EYS: variants seen among roughly 807,000 people sequenced by gnomAD.
EYS encodes the protein EGF-like photoreceptor maintenance factor.
A neutral mutation model predicts 282.1 loss-of-function variants in EYS; 250 were observed. The ratio of observed to expected loss-of-function variants is 0.89; its 90% CI spans 0.80 to 0.98. EYS has a LOEUF of 0.98. Among genes scored for constraint, EYS ranks in the 50% least tolerant of loss-of-function variants. EYS has a pLI of 0.00. For synonymous variants in EYS, 1,355 were observed against 1,282.9 expected, an observed-to-expected ratio of 1.06 and a Z score of -1.20; for missense variants, 4,016 against 3,709.0, an observed-to-expected ratio of 1.08 and a Z score of -2.15.
At chr6:64,352,466 A>C (rs1221779975) in intron 29 of EYS, among the ~76,000 whole-genome samples, 1 of 151,496 alleles carries the variant, frequency 6.6e-6, no homozygotes, top group Admixed American at 6.6e-5. Context: ...TGCTTTATTC[A>C]CTATCTCTAT....
At chr6:64,809,115 A>G (rs569496931) in intron 22 of EYS, among the ~76,000 whole-genome samples, 1 of 152,208 alleles carries the variant, frequency 6.6e-6, no homozygotes, top group South Asian at 2.1e-4. Context: ...TCAATAAACA[A>G]GAGTCTGGCA....
At chr6:64,752,176 G>C (rs1339563600) in intron 22 of EYS, among the ~76,000 whole-genome samples, 4 of 151,708 alleles carry the variant, frequency 2.6e-5, no homozygotes, top group African/African-American at 9.7e-5. Context: ...TGAAATACCA[G>C]ATAAATAATT....
At chr6:64,153,090 C>T (rs1774794390) in intron 31 of EYS, among the ~76,000 whole-genome samples, 1 of 152,144 alleles carries the variant, frequency 6.6e-6, no homozygotes, top group African/African-American at 2.4e-5. Context: ...AGGTACCAAT[C>T]TAACAACTTT....
At chr6:65,101,308 G>A (rs1774886459) in intron 12 of EYS, among the ~76,000 whole-genome samples, 1 of 151,148 alleles carries the variant, frequency 6.6e-6, no homozygotes, top group Non-Finnish European at 1.5e-5. Context: ...AAACCACTGT[G>A]TGCCTGATAA....
chr6:64,219,080 C>T (rs921450434), intron 31 of EYS, among the ~76,000 whole-genome samples: 4 of 152,096 alleles, frequency 2.6e-5, no homozygotes, highest in South Asian at 2.1e-4. Context: ...CTGATGCAGC[C>T]GCAATGACAG....
chr6:65,282,303 A>G (rs1266297823), intron 12 of EYS, among the ~76,000 whole-genome samples: 1 of 152,040 alleles, frequency 6.6e-6, no homozygotes, highest in East Asian at 1.9e-4. Context: ...ATTACTCCAC[A>G]TTCTATTTAT....
chr6:65,394,113 T>A (rs1329014637), intron 7 of EYS, among the ~76,000 whole-genome samples: 1 of 152,104 alleles, frequency 6.6e-6, no homozygotes, highest in Non-Finnish European at 1.5e-5. Flanking sequence ...TAACAAAACT[T>A]TATTTCCTGG....
intron 37 of EYS, among the ~76,000 whole-genome samples, chr6:63,803,493 T>C (rs1401374824): frequency 1.3e-5 from 2 of 152,118 alleles, no homozygotes; most frequent in Admixed American, 1.3e-4. Flanking sequence ...TAACAAAGGC[T>C]CCACATCCTA....
chr6:64,604,457 T>C (rs1403072800), intron 24 of EYS, among the ~76,000 whole-genome samples: 1 of 152,016 alleles, frequency 6.6e-6, no homozygotes, highest in Admixed American at 6.6e-5. Context: ...CTGAAGAACA[T>C]CAAGAATTTG....
chr6:64,047,425 G>C (rs1380518229), intron 33 of EYS, among the ~76,000 whole-genome samples: 1 of 152,066 alleles, frequency 6.6e-6, no homozygotes, highest in Non-Finnish European at 1.5e-5. Context: ...TGAATAAACA[G>C]GCTCAAATTT....
At chr6:65,363,946 T>C (rs1295037719) in intron 8 of EYS, among the ~76,000 whole-genome samples, 1 of 151,568 alleles carries the variant, frequency 6.6e-6, no homozygotes, top group Non-Finnish European at 1.5e-5. Flanking sequence ...TTCTCTATTT[T>C]AATTTAATTA....
intron 22 of EYS, among the ~76,000 whole-genome samples, chr6:64,743,051 G>A (rs1451151182): frequency 6.6e-6 from 1 of 152,078 alleles, no homozygotes; most frequent in Non-Finnish European, 1.5e-5. Context: ...TGAGGACAGA[G>A]TAGACATCTA....
chr6:64,391,380 G>A (rs1032559758), intron 28 of EYS, among the ~76,000 whole-genome samples: 1 of 152,106 alleles, frequency 6.6e-6, no homozygotes, highest in African/African-American at 2.4e-5. Context: ...AGAGAGAAAG[G>A]TCGGATTACC....
intron 31 of EYS, among the ~76,000 whole-genome samples, chr6:64,112,873 T>C (rs1773253879): frequency 6.6e-6 from 1 of 151,644 alleles, no homozygotes; most frequent in Non-Finnish European, 1.5e-5. Flanking sequence ...CAAATGTTAC[T>C]GTGAATGAGG....
chr6:64,673,595 A>G (rs542492384), intron 22 of EYS, among the ~76,000 whole-genome samples: 1 of 152,182 alleles, frequency 6.6e-6, no homozygotes, highest in Admixed American at 6.5e-5. Context: ...ATGAATTAAT[A>G]TTATACTTAT....
At chr6:63,885,000 G>A (rs1165652056) in intron 35 of EYS, among the ~76,000 whole-genome samples, 2 of 152,046 alleles carry the variant, frequency 1.3e-5, no homozygotes, top group Admixed American at 6.6e-5. Flanking sequence ...TATTAAATTT[G>A]TATTTGCTTG....
At chr6:64,162,667 AC>A (rs942488428) in intron 31 of EYS, among the ~76,000 whole-genome samples, 1 of 152,110 alleles carries the variant, frequency 6.6e-6, no homozygotes, top group Non-Finnish European at 1.5e-5. Flanking sequence ...AATCTATGTC[AC>A]CTTTTATTCT....
chr6:63,832,178 C>T (rs1365894618), intron 36 of EYS, among the ~76,000 whole-genome samples: 1 of 152,102 alleles, frequency 6.6e-6, no homozygotes, highest in Non-Finnish European at 1.5e-5. Flanking sequence ...AGAGCAAACA[C>T]ATTCAAAAGC....
chr6:64,102,692 G>T lies in EYS; in HGVS notation c.6425-20690C>A, dbSNP rs562371304. On this transcript the variant is annotated intron_variant, in intron 31 of 42. Coordinates refer to ENST00000503581, the MANE Select transcript of EYS (RefSeq NM_001142800.2). Reference sequence around the variant, plus strand: ...AGAAAAATCTAAACTTTTACATAATGATTTTTAAAATACTACCAAAATTCT... The same window carrying T: ...AGAAAAATCTAAACTTTTACATAATTATTTTTAAAATACTACCAAAATTCT... 5.9e-5 allele frequency among the ~76,000 whole-genome samples: 9 copies of T among 152,108 alleles called. No homozygotes were observed. The East Asian group carries it at 7.7e-4, about 13-fold the overall frequency.
Sources: allele counts gnomAD v4.1 joint callset (sites outside exome capture counted in the v4.1 genomes callset), GRCh38; gene constraint gnomAD v4.1.1; transcripts MANE v1.5; gene names NCBI Gene and HGNC (gene_info 2026-07-23, HGNC 2026-07-21).